Variants in TECRL observed in about 807,000 individuals in gnomAD.
TECRL encodes the protein trans-2,3-enoyl-CoA reductase like.
A neutral mutation model predicts 52.8 loss-of-function variants in TECRL; 63 were observed. The observed-to-expected ratio is 1.19, with a 90% CI of 0.97 to 1.47. TECRL has a LOEUF of 1.47. Ranked by LOEUF, TECRL falls within the 40% of genes most tolerant of loss-of-function variation. The pLI is 0.00. For synonymous variants in TECRL, 164 were observed against 141.9 expected (o/e 1.16, Z -1.10); for missense variants, 482 against 429.6 (o/e 1.12, Z -1.08).
rs530632428 is a variant in TECRL, at chr4:64,290,979, A to G, written c.775-1212T>C. On this transcript the variant is annotated intron_variant, in intron 8 of 11. Transcript: ENST00000381210. ...GGTTTCTTAAGTTATCATTAGAAAGACAAAGTGGAATTTTGAATTTTCAGG... is the reference window on the plus strand; with the variant it reads ...GGTTTCTTAAGTTATCATTAGAAAGGCAAAGTGGAATTTTGAATTTTCAGG... Among the ~76,000 whole-genome samples the G allele has an allele frequency of 3.3e-5, 5 of 152,172 alleles. No homozygotes were observed. The South Asian group carries it at 8.3e-4, about 25-fold the overall frequency.
intron 4 of TECRL, 51 bp from the exon 5 acceptor site, chr4:64,314,814 G>T (rs765785016): frequency 1.3e-4 from 177 of 1,334,612 alleles, no homozygotes; most frequent in Non-Finnish European, 1.9e-4. Flanking sequence ...ATGTTTTTAA[G>T]GTTCATTTGT....
chr4:64,319,460 A>T (rs930270641), intron 4 of TECRL, among the ~76,000 whole-genome samples: 2 of 151,852 alleles, frequency 1.3e-5, no homozygotes, highest in Admixed American at 6.6e-5. Flanking sequence ...ATTAGACTGC[A>T]TTAAAATTGA....
At chr4:64,348,687 C>T (rs561729545) in intron 2 of TECRL, among the ~76,000 whole-genome samples, 2 of 152,252 alleles carry the variant, frequency 1.3e-5, no homozygotes, top group African/African-American at 4.8e-5. Context: ...CTTACTGTGT[C>T]CCTGCTTCCA....
chr4:64,340,279 GA>G (rs1239726729), intron 2 of TECRL, among the ~76,000 whole-genome samples: 5 of 152,148 alleles, frequency 3.3e-5, no homozygotes, highest in African/African-American at 1.2e-4. Context: ...TCACTCCATG[GA>G]GCAGGCATGA....
chr4:64,372,978 C>A lies in TECRL; in HGVS notation c.286+2194G>T, dbSNP rs75500305. 5.5e-3 allele frequency among the ~76,000 whole-genome samples: 833 copies of A among 151,540 alleles called. 26 individuals carry two copies. The highest frequency in any genetic ancestry group is 0.032 in the Admixed American group (479 of 15,162). On this transcript the variant is annotated intron_variant, in intron 2 of 11. Coordinates refer to ENST00000381210, the MANE Select transcript of TECRL (RefSeq NM_001010874.5). ...ATGCTAAAAATATAAGATCCTAAGG[C>A]AATTAAGAGAGAAGTTCTTTTTACT... is the stretch of plus-strand genomic sequence containing the variant.
chr4:64,409,109 T>C lies in TECRL; in HGVS notation c.234+9A>G. The C allele has an allele frequency of 1.3e-6, 2 of 1,577,092 alleles. No individual in the cohort carries two copies. Among genetic ancestry groups the C allele is most frequent in the Non-Finnish European group, 1.7e-6 (2 of 1,160,740 alleles). ...ACAAACAAACAAATAAATAAATAAA[T>C]AAACTCACCTTATCCAGAATACATA... is the stretch of plus-strand genomic sequence containing the variant. On this transcript the variant is annotated intron_variant, in intron 1 of 11. Coordinates refer to ENST00000381210, the MANE Select transcript of TECRL (RefSeq NM_001010874.5).
intron 2 of TECRL, among the ~76,000 whole-genome samples, chr4:64,370,224 C>T (rs2109655631): frequency 6.6e-6 from 1 of 151,598 alleles, no homozygotes; most frequent in African/African-American, 2.4e-5. Flanking sequence ...AGAAATTTAA[C>T]AAATAGAAAT....
chr4:64,331,564 T>C (rs920184249), intron 2 of TECRL, among the ~76,000 whole-genome samples: 1 of 152,058 alleles, frequency 6.6e-6, no homozygotes, highest in African/African-American at 2.4e-5. Context: ...ATCACAAATA[T>C]GGAATCTCAT....
intron 8 of TECRL, among the ~76,000 whole-genome samples, chr4:64,291,083 A>G (rs1484226822): frequency 6.6e-6 from 1 of 152,114 alleles, no homozygotes; most frequent in East Asian, 1.9e-4. Flanking sequence ...CTGCATTCAC[A>G]TGCCACATAT....
intron 5 of TECRL, 53 bp from the exon 6 acceptor site, chr4:64,309,984 G>T (rs1369017983): frequency 1.7e-6 from 2 of 1,173,352 alleles, no homozygotes; most frequent in African/African-American, 3.2e-5. Flanking sequence ...GTTCTGGCTT[G>T]CCTCATGCAT....
At chr4:64,301,178 T>C (rs1382527228) in intron 7 of TECRL, among the ~76,000 whole-genome samples, 2 of 150,874 alleles carry the variant, frequency 1.3e-5, no homozygotes, top group African/African-American at 4.8e-5. Context: ...AGAAAAGTAG[T>C]AAGGGAAAAG....
At chr4:64,297,428 A>C (rs937276840) in intron 8 of TECRL, among the ~76,000 whole-genome samples, 1 of 151,072 alleles carries the variant, frequency 6.6e-6, no homozygotes, top group African/African-American at 2.4e-5. Flanking sequence ...TTGTTAATAT[A>C]ACGTTTTATC....
chr4:64,325,114 C>A (rs1221335879), intron 3 of TECRL, among the ~76,000 whole-genome samples: 1 of 152,108 alleles, frequency 6.6e-6, no homozygotes, highest in African/African-American at 2.4e-5. Context: ...TGGAGAAGGT[C>A]AACGTCAAGG....
chr4:64,356,968 C>G (rs1720820246), intron 2 of TECRL, among the ~76,000 whole-genome samples: 1 of 152,082 alleles, frequency 6.6e-6, no homozygotes, highest in Non-Finnish European at 1.5e-5. Context: ...TTTCTCAACT[C>G]TATAGTAGAA....
At position 64,408,929 on chromosome 4, in the gene TECRL, G is replaced by T. The variant is rs1370112411; in HGVS notation, c.234+189C>A. 2.0e-5 allele frequency among the ~76,000 whole-genome samples: 3 copies of T among 152,046 alleles called. No individual in the cohort carries two copies. In the East Asian group the frequency reaches 5.8e-4, roughly 29 times the overall value. ...TTTAATTAATTTAAATTGAGTATGA[G>T]AGATGCATTGAACATCTTCTATTAA... On this transcript the variant is annotated intron_variant, in intron 1 of 11. Coordinates refer to ENST00000381210, the MANE Select transcript of TECRL (RefSeq NM_001010874.5).
At chr4:64,358,700 T>C (rs567898136) in intron 2 of TECRL, among the ~76,000 whole-genome samples, 43 of 151,900 alleles carry the variant, frequency 2.8e-4, no homozygotes, top group South Asian at 6.2e-4. Flanking sequence ...TTGAATCTGA[T>C]GCCTTCCCAA....
At chr4:64,298,055 C>T (rs982974735) in intron 8 of TECRL, among the ~76,000 whole-genome samples, 11 of 150,812 alleles carry the variant, frequency 7.3e-5, no homozygotes, top group Non-Finnish European at 1.5e-5. Flanking sequence ...AAGGTTTTCA[C>T]CTATGCTTAA....
intron 1 of TECRL, among the ~76,000 whole-genome samples, chr4:64,375,704 C>A (rs1446246645): frequency 6.6e-6 from 1 of 151,658 alleles, no homozygotes; most frequent in Non-Finnish European, 1.5e-5. Flanking sequence ...TTATTTAAAT[C>A]CCCAAATAAA....
chr4:64,374,689 G>A (rs1297324830), intron 2 of TECRL, among the ~76,000 whole-genome samples: 3 of 151,766 alleles, frequency 2.0e-5, no homozygotes, highest in East Asian at 1.9e-4. Flanking sequence ...GCAATAGTTT[G>A]CTGAGAATGA....
Sources: gnomAD v4.1 joint callset for allele counts (sites outside exome capture counted in the v4.1 genomes callset) on GRCh38, gnomAD v4.1.1 for gene constraint, MANE v1.5 for transcripts, NCBI Gene and HGNC (gene_info 2026-07-23, HGNC 2026-07-21) for gene names.